TMEM94: variants seen among roughly 807,000 people sequenced by gnomAD.
TMEM94 encodes the protein transmembrane protein 94, also known as ER Mg2+ ATPase.
TMEM94 carries 81 observed loss-of-function variants against 158.6 expected under a neutral mutation model. The ratio of observed to expected loss-of-function variants is 0.51; its 90% CI spans 0.43 to 0.61. TMEM94 has a LOEUF of 0.61. TMEM94 is among the 20% of genes least tolerant of loss of function. The pLI, the probability that TMEM94 is intolerant of heterozygous loss-of-function variation, is 0.00. For missense variants in TMEM94, 1,435 were observed against 1,762.0 expected (o/e 0.81, Z 3.32); for synonymous variants, 751 against 730.7 (o/e 1.03, Z -0.45).
At chr17:75,482,517 T>A (rs992390555) in intron 2 of TMEM94, among the ~76,000 whole-genome samples, 7 of 116,018 alleles carry the variant, frequency 6.0e-5, no homozygotes, top group South Asian at 2.9e-4. Flanking sequence ...AATTTAAAAA[T>A]ATATATATAT....
rs1203646021 is a variant in TMEM94, at chr17:75,485,221, GGTA to G, written c.25-205_25-203del. 6.6e-6 allele frequency among the ~76,000 whole-genome samples: 1 copy of G among 152,190 alleles called. No homozygotes were observed. Among genetic ancestry groups the G allele is most frequent in the African/African-American group, 2.4e-5 (1 of 41,444 alleles). ...TTTTTAATTTGGCTGTAAAGAGTAGGGTAGGAGGCTGTGCACTTGAACAGTTTG... is the reference window on the plus strand; with the variant it reads ...TTTTTAATTTGGCTGTAAAGAGTAGGGGAGGCTGTGCACTTGAACAGTTTG... On this transcript the variant is annotated intron_variant, in intron 2 of 31. Coordinates refer to ENST00000314256, the MANE Select transcript of TMEM94 (RefSeq NM_014738.6). The surrounding 1 kb of genome is among the most constrained non-coding windows in gnomAD (Gnocchi z 5.5).
intron 1 of TMEM94, among the ~76,000 whole-genome samples, chr17:75,458,911 G>A (rs1274941733): frequency 6.6e-6 from 1 of 152,036 alleles, no homozygotes; most frequent in Non-Finnish European, 1.5e-5. Flanking sequence ...CAAAAAATTA[G>A]CTGGGTATTG....
rs200321847 is a variant in TMEM94 at position 75,496,099 on chromosome 17, C to T, written c.3053+25C>T. ...GGTCAGGGCGGGACCCTGGAGCCTG[C>T]GGGCCAGCCTCTACCTCCCAGACCG... On this transcript the variant is annotated intron_variant, in intron 23 of 31. Coordinates refer to ENST00000314256, the MANE Select transcript of TMEM94 (RefSeq NM_014738.6). 8.1e-5 allele frequency: 128 copies of T among 1,574,020 alleles called. 1 individual carries two copies. The African/African-American group carries it at 1.5e-3, about 19-fold the overall frequency.
At chr17:75,490,470 G>A in intron 10 of TMEM94, 120 bp downstream of exon 10, 3 of 1,210,072 alleles carry the variant, frequency 2.5e-6, no homozygotes, top group Non-Finnish European at 3.4e-6. Flanking sequence ...GTCAGCCTGG[G>A]CAGCTCTCCA....
intron 2 of TMEM94, chr17:75,476,474 C>G: frequency 7.3e-7 from 1 of 1,378,108 alleles, no homozygotes; most frequent in South Asian, 1.7e-5. Context: ...CTCCCTGAAT[C>G]TGCAGCGTGA....
chr17:75,488,785 G>A lies in TMEM94; in HGVS notation c.639G>A (p.Pro213=), dbSNP rs144550743. ...IKDDEHIVLE[P]GDLFPPFSPP... ...ATGACGAGCACATCGTCCTGGAGCCGGGAGACCTCTTCCCCCCCTTCTCCC... is the reference window on the plus strand; with the variant it reads ...ATGACGAGCACATCGTCCTGGAGCCAGGAGACCTCTTCCCCCCCTTCTCCC... The change falls in exon 7 of 32, where the codon CCG becomes CCA. Residue 213 remains proline, a synonymous_variant. Transcript: ENST00000314256. 1.0e-4 allele frequency: 163 copies of A among 1,613,654 alleles called. No homozygotes were observed. Among genetic ancestry groups the A allele is most frequent in the East Asian group, 4.5e-4 (20 of 44,864 alleles).
chr17:75,489,457 G>C lies in TMEM94; in HGVS notation c.867+89G>C, dbSNP rs1228541851. The stretch of plus-strand genomic sequence containing the variant: ...CTCAGGGCCACTCACATGAGCGGGA[G>C]TGAATGCAGAGGGTCCCAGAGTGAG... On this transcript the variant is annotated intron_variant, in intron 8 of 31. Coordinates refer to ENST00000314256, the MANE Select transcript of TMEM94 (RefSeq NM_014738.6). This position sits in a 1 kb window ranked among gnomAD's most constrained non-coding sequence, Gnocchi z 5.0. The C allele has an allele frequency of 1.3e-6, 2 of 1,490,498 alleles. No homozygotes were observed. Among genetic ancestry groups the C allele is most frequent in the East Asian group, 4.5e-5 (2 of 44,186 alleles). The allele number at this position is 1,490,498 out of a possible 1,614,324, so 92.3% of individuals were successfully genotyped here.
In TMEM94 at chr17:75,495,418, T is replaced by G; in HGVS notation, c.2844+19T>G. 6.2e-7 allele frequency: 1 copy of G among 1,603,340 alleles called. No individual in the cohort carries two copies. Among genetic ancestry groups the G allele is most frequent in the Non-Finnish European group, 8.5e-7 (1 of 1,170,696 alleles). ...CAACCGGGTACGATGGCAGGATCTG[T>G]CTCACGTGTTCCTGTAGTGGTCCCA... On this transcript the variant is annotated intron_variant, in intron 21 of 31. Transcript: ENST00000314256. This position sits in a 1 kb window ranked among gnomAD's most constrained non-coding sequence, Gnocchi z 5.6.
At chr17:75,488,251 A>G (rs2146624036) in intron 6 of TMEM94, 117 bp downstream of exon 6, 2 of 939,344 alleles carry the variant, frequency 2.1e-6, no homozygotes, top group Non-Finnish European at 3.3e-6. Context: ...GCTTTTTGGC[A>G]GAGGCTCTGG....
intron 1 of TMEM94, among the ~76,000 whole-genome samples, chr17:75,463,160 A>G (rs867526085): frequency 1.8e-3 from 33 of 18,070 alleles, no homozygotes; most frequent in African/African-American, 0.011. Context: ...ACGTATATAT[A>G]TGTGTGTGTG....
In TMEM94 at chr17:75,498,580, G is replaced by A; in HGVS notation, c.3733+42G>A. The A allele has an allele frequency of 6.2e-7, 1 of 1,613,046 alleles. No individual in the cohort carries two copies. The highest frequency in any genetic ancestry group is 1.7e-5 in the Admixed American group (1 of 59,896). On this transcript the variant is annotated intron_variant, in intron 29 of 31. Transcript: ENST00000314256. This position sits in a 1 kb window ranked among gnomAD's most constrained non-coding sequence, Gnocchi z 6.7. The stretch of plus-strand genomic sequence containing the variant: ...GGAGGGCGTGGATGATGGTGGGAGA[G>A]GAGCCCCACTGTGGAAGTCTGACCC...
chr17:75,465,261 G>T (rs985858117), intron 1 of TMEM94, among the ~76,000 whole-genome samples: 2 of 151,114 alleles, frequency 1.3e-5, no homozygotes, highest in African/African-American at 4.9e-5. Flanking sequence ...ATCCTCCCCC[G>T]TCAGCCTCCC....
chr17:75,462,167 C>G (rs1253985882), intron 1 of TMEM94, among the ~76,000 whole-genome samples: 1 of 151,346 alleles, frequency 6.6e-6, no homozygotes, highest in African/African-American at 2.4e-5. Flanking sequence ...CCCACCAGCA[C>G]TCTCAGCTAA....
Position 75,467,445 on chromosome 17 carries a change from A to G in TMEM94, c.-106-4355A>G, listed in dbSNP as rs964901572. ...AGAGTCCCTAATATTTTCTCCATAT[A>G]CAATTGATCTTGTCTTCTGCAAATA... On this transcript the variant is annotated intron_variant, in intron 1 of 31. Coordinates refer to ENST00000314256, the MANE Select transcript of TMEM94 (RefSeq NM_014738.6). 4.0e-5 allele frequency among the ~76,000 whole-genome samples: 6 copies of G among 151,222 alleles called. No homozygotes were observed. In the East Asian group the frequency reaches 9.6e-4, roughly 24 times the overall value.
At chr17:75,463,364 G>T (rs1007870988) in intron 1 of TMEM94, among the ~76,000 whole-genome samples, 4 of 151,252 alleles carry the variant, frequency 2.6e-5, no homozygotes, top group African/African-American at 9.7e-5. Flanking sequence ...TGTTTTTAGG[G>T]TACTGGCTAA....
At chr17:75,464,676 C>CTTCCTTCCTTCT (rs1383092291) in intron 1 of TMEM94, among the ~76,000 whole-genome samples, 36 of 59,942 alleles carry the variant, frequency 6.0e-4, no homozygotes, top group Admixed American at 3.8e-3. Flanking sequence ...TCCTTCCTTC[C>CTTCCTTCCTTCT]TTCTTTCTTT....
chr17:75,466,296 C>T (rs1350310576), intron 1 of TMEM94, among the ~76,000 whole-genome samples: 1 of 151,862 alleles, frequency 6.6e-6, no homozygotes, highest in Non-Finnish European at 1.5e-5. Context: ...TAGTGCTAGA[C>T]TCTCTGTTCT....
At chr17:75,477,410 G>C (rs966842575) in intron 2 of TMEM94, among the ~76,000 whole-genome samples, 8 of 152,070 alleles carry the variant, frequency 5.3e-5, no homozygotes, top group African/African-American at 1.9e-4. Flanking sequence ...CGACAGTGGG[G>C]ACCCAGAGAG....
In TMEM94 at chr17:75,485,891, C is replaced by T. The variant is rs1455770301; in HGVS notation, c.165C>T (p.Phe55=). The change falls in exon 4 of 32, where the codon TTC becomes TTT. Residue 55 remains phenylalanine, a synonymous_variant. Transcript: ENST00000314256. The surrounding 1 kb of genome is among the most constrained non-coding windows in gnomAD (Gnocchi z 5.5). The part of the protein sequence containing the change: ...LTWKEVWRSS[F]LHHSNRCSCF... The stretch of plus-strand genomic sequence containing the variant: ...CCCAGGAGGTGTGGAGAAGCAGCTT[C>T]CTCCACCACAGTAACCGCTGCTCCT... 6.2e-7 allele frequency: 1 copy of T among 1,612,946 alleles called. No individual in the cohort carries two copies. The highest frequency in any genetic ancestry group is 2.2e-5 in the East Asian group (1 of 44,852).
Sources: gnomAD v4.1 joint callset for allele counts (sites outside exome capture counted in the v4.1 genomes callset) on GRCh38, gnomAD v4.1.1 for gene constraint, Gnocchi (gnomAD v3.1) non-coding constraint, MANE v1.5 for transcripts, NCBI Gene and HGNC (gene_info 2026-07-23, HGNC 2026-07-21) for gene names.